CASK: variants seen among roughly 807,000 people sequenced by gnomAD.
The protein encoded by CASK is peripheral plasma membrane protein CASK.
CASK carries 4 observed loss-of-function variants against 82.9 expected under a neutral mutation model. The ratio of observed to expected loss-of-function variants is 0.05; its 90% CI spans 0.02 to 0.11. The LOEUF (loss-of-function observed/expected upper bound fraction) is 0.11, where lower values mean the gene tolerates loss of function less well. Among genes scored for constraint, CASK ranks in the 10% least tolerant of loss-of-function variants. The probability of loss-of-function intolerance (pLI) is 1.00; values close to 1 mark genes in which losing one functional copy is unlikely to be tolerated. For missense variants in CASK, 358 were observed against 720.9 expected, an observed-to-expected ratio of 0.50 and a Z score of 5.76; for synonymous variants, 259 against 253.5, an observed-to-expected ratio of 1.02 and a Z score of -0.20.
rs371326845 is a variant in CASK, at chrX:41,534,872, C to T, written c.2236+21G>A. On this transcript the variant is annotated intron_variant, in intron 23 of 26. Coordinates refer to ENST00000378163, the MANE Select transcript of CASK (RefSeq NM_001367721.1). ...GTTTTGAAAGTGAGAATAAGCAACT[C>T]ACTTACACAATCAAACTTACCTAAT... 6.2e-4 allele frequency: 720 copies of T among 1,157,747 alleles called. 4 individuals are homozygous for T. The South Asian group carries it at 8.8e-3, about 14-fold the overall frequency.
chrX:41,584,336 C>T (rs759063172), intron 14 of CASK: 18 of 112,180 alleles, frequency 1.6e-4, no homozygotes, highest in African/African-American at 2.6e-4. Flanking sequence ...CATAAAGTTA[C>T]GGTGGCAAGG....
intron 1 of CASK, among the ~76,000 whole-genome samples, chrX:41,905,499 G>A (rs889790879): frequency 2.7e-5 from 3 of 112,787 alleles, no homozygotes; most frequent in Admixed American, 9.3e-5. Flanking sequence ...GCACCTTTCC[G>A]TGTATTTATT....
chrX:41,603,283 T>C (rs2065917047), intron 12 of CASK, among the ~76,000 whole-genome samples: 1 of 112,397 alleles, frequency 8.9e-6, no homozygotes, highest in Non-Finnish European at 1.9e-5. Flanking sequence ...TATCTCCAGA[T>C]TATTGTAGAA....
At chrX:41,629,140 G>C (rs964184820) in intron 9 of CASK, among the ~76,000 whole-genome samples, 15 of 111,008 alleles carry the variant, frequency 1.4e-4, no homozygotes, top group African/African-American at 4.9e-4. Flanking sequence ...TGTTTACGTA[G>C]TTTGTTTTTT....
chrX:41,769,571 A>T (rs1335867912), intron 3 of CASK, among the ~76,000 whole-genome samples: 2 of 110,939 alleles, frequency 1.8e-5, no homozygotes, highest in Non-Finnish European at 3.8e-5. Flanking sequence ...TCTAGGTGGC[A>T]CTGAAAATCT....
chrX:41,906,078 G>C (rs1280640136), intron 1 of CASK, among the ~76,000 whole-genome samples: 1 of 112,343 alleles, frequency 8.9e-6, no homozygotes, highest in Non-Finnish European at 1.9e-5. Flanking sequence ...AAATGGTTTT[G>C]AAGCAGCAAG....
chrX:41,815,521 A>G (rs992228346), intron 2 of CASK, among the ~76,000 whole-genome samples: 4 of 111,929 alleles, frequency 3.6e-5, no homozygotes, highest in African/African-American at 1.3e-4. Context: ...TGGAGCTTCT[A>G]GAATTAAAAA....
chrX:41,727,683 A>T (rs760442396), intron 5 of CASK: 2 of 1,194,191 alleles, frequency 1.7e-6, no homozygotes, highest in African/African-American at 3.5e-5. Flanking sequence ...TAGTACTAAC[A>T]TCATACTACT....
chrX:41,730,863 C>T (rs755064373), intron 5 of CASK, among the ~76,000 whole-genome samples: 71 of 110,835 alleles, frequency 6.4e-4, no homozygotes, highest in African/African-American at 1.9e-3. Context: ...CCATCATGCC[C>T]GGCTAATTTT....
chrX:41,880,256 T>C (rs1292367557), intron 1 of CASK, among the ~76,000 whole-genome samples: 1 of 111,831 alleles, frequency 8.9e-6, no homozygotes, highest in East Asian at 2.8e-4. Flanking sequence ...CTGGTAACAT[T>C]CTAGTTTCTT....
At chrX:41,609,083 C>G (rs1042900504) in intron 12 of CASK, among the ~76,000 whole-genome samples, 1 of 112,092 alleles carries the variant, frequency 8.9e-6, no homozygotes, top group Non-Finnish European at 1.9e-5. Flanking sequence ...CTGCTAGGCT[C>G]TGTTGCATTT....
rs1255980504 is a variant in CASK at position 41,566,675 on chromosome X, G to T, written c.1582+2993C>A. Among the ~76,000 whole-genome samples, 5 of 111,508 alleles carry T rather than the reference G, an allele frequency of 4.5e-5. 1 individual carries two copies. Among genetic ancestry groups the T allele is most frequent in the Non-Finnish European group, 9.4e-5 (5 of 53,101 alleles). On this transcript the variant is annotated intron_variant, in intron 16 of 26. Transcript: ENST00000378163. Reference sequence around the variant, plus strand: ...GCTATACTGCCCAAAGTAATTTATAGATTCAATGCCATCCCCATAAAACTA... The same window carrying T: ...GCTATACTGCCCAAAGTAATTTATATATTCAATGCCATCCCCATAAAACTA...
intron 3 of CASK, among the ~76,000 whole-genome samples, chrX:41,784,190 A>G (rs960834383): frequency 2.7e-5 from 3 of 112,099 alleles, no homozygotes; most frequent in African/African-American, 9.7e-5. Context: ...TTACCCATCC[A>G]AAAGGCAAAC....
chrX:41,659,782 C>T (rs1256336385), intron 8 of CASK, among the ~76,000 whole-genome samples: 2 of 110,318 alleles, frequency 1.8e-5, no homozygotes, highest in Non-Finnish European at 3.8e-5. Flanking sequence ...GCAGATCGCT[C>T]GAGTCCAGGA....
intron 6 of CASK, among the ~76,000 whole-genome samples, chrX:41,669,377 C>T (rs947541105): frequency 1.8e-5 from 2 of 110,820 alleles, no homozygotes; most frequent in Non-Finnish European, 3.8e-5. Context: ...CTATTTTCCC[C>T]CCCAGTCAAG....
At chrX:41,612,032 G>C (rs1165809109) in intron 11 of CASK, among the ~76,000 whole-genome samples, 2 of 112,247 alleles carry the variant, frequency 1.8e-5, no homozygotes, top group African/African-American at 3.2e-5. Context: ...GTGCAGTGGC[G>C]TGATCTCGGC....
At chrX:41,843,053 A>G (rs1012160592) in intron 2 of CASK, among the ~76,000 whole-genome samples, 2 of 111,436 alleles carry the variant, frequency 1.8e-5, no homozygotes, top group Non-Finnish European at 3.8e-5. Context: ...TATTACATCT[A>G]AGTCTTTTTG....
chrX:41,563,576 T>G (rs1369089021), intron 16 of CASK, among the ~76,000 whole-genome samples: 4 of 106,808 alleles, frequency 3.7e-5, no homozygotes, highest in African/African-American at 1.4e-4. Flanking sequence ...AAAAAAAGAG[T>G]AGGCACAAAT....
At chrX:41,889,687 C>A (rs191185579) in intron 1 of CASK, among the ~76,000 whole-genome samples, 1 of 111,987 alleles carries the variant, frequency 8.9e-6, no homozygotes, top group East Asian at 2.8e-4. Flanking sequence ...ATAAAATTTT[C>A]CACTGGTAAC....
Sources: allele counts gnomAD v4.1 joint callset (sites outside exome capture counted in the v4.1 genomes callset), GRCh38; gene constraint gnomAD v4.1.1; transcripts MANE v1.5; gene names NCBI Gene and HGNC (gene_info 2026-07-23, HGNC 2026-07-21).